The following ALG10 variants were observed in gnomAD, a reference collection of about 807,000 sequenced individuals.
ALG10 encodes the protein dol-P-Glc:Glc(2)Man(9)GlcNAc(2)-PP-Dol alpha-1,2-glucosyltransferase A.
ALG10 carries 25 observed loss-of-function variants against 39.2 expected under a neutral mutation model. That is an observed-to-expected ratio of 0.64 (90% CI 0.46 to 0.89). The LOEUF (loss-of-function observed/expected upper bound fraction) is 0.89. Among genes scored for constraint, ALG10 ranks in the 40% least tolerant of loss-of-function variants. The probability of loss-of-function intolerance (pLI) is 0.00; values close to 1 mark genes in which losing one functional copy is unlikely to be tolerated. For synonymous variants in ALG10, 184 were observed against 193.9 expected (o/e 0.95, Z 0.42); for missense variants, 486 against 546.6 (o/e 0.89, Z 1.11).
upstream of ALG10, chr12:34,022,391 C>T (rs1173368638): frequency 8.6e-6 from 6 of 700,882 alleles, no homozygotes; most frequent in Admixed American, 2.8e-5. Flanking sequence ...GGTAATCATC[C>T]GGTCCGTTAT....
chr12:34,027,054 T>G lies in ALG10; in HGVS notation c.*139T>G. On this transcript the variant is annotated 3_prime_UTR_variant, in exon 3 of 3. Coordinates refer to ENST00000266483, the MANE Select transcript of ALG10 (RefSeq NM_032834.4). ...AAATTACATTAGTTTTTTTTATATA[T>G]ATTTTAAACATATGTAAGAAATTAA... 1.1e-6 allele frequency: 1 copy of G among 877,940 alleles called. No individual in the cohort carries two copies. Among genetic ancestry groups the G allele is most frequent in the Non-Finnish European group, 1.6e-6 (1 of 612,266 alleles). 54.4% of individuals were successfully genotyped at this position (877,940 alleles called of 1,614,324 possible). A position where few individuals can be genotyped will look rare whatever the true frequency, so the allele number is the denominator to read the frequency against.
rs1942854468 is a variant in ALG10 at position 34,027,978 on chromosome 12, G to A, written c.*1063G>A. ...CTCTTCATTACCTTTTAAGGACAGT[G>A]TCTTTGAATGTAGGGCCCACCCTGA... On this transcript the variant is annotated 3_prime_UTR_variant, in exon 3 of 3. Coordinates refer to ENST00000266483, the MANE Select transcript of ALG10 (RefSeq NM_032834.4). 2 of 152,116 alleles carry A rather than the reference G, an allele frequency of 1.3e-5. No homozygotes were observed. 9.4% of individuals were successfully genotyped at this position (152,116 alleles called of 1,614,324 possible).
In ALG10 at chr12:34,027,152, A is replaced by G. The variant is rs1942842735; in HGVS notation, c.*237A>G. 3 of 373,962 alleles carry G rather than the reference A, an allele frequency of 8.0e-6. No individual in the cohort carries two copies. Among genetic ancestry groups the G allele is most frequent in the East Asian group, 4.8e-5 (1 of 20,982 alleles). The allele number at this position is 373,962 out of a possible 1,614,324, so 23.2% of individuals were successfully genotyped here. A position where few individuals can be genotyped will look rare whatever the true frequency, so the allele number is the denominator to read the frequency against. ...AATGGAAAAATAAAATTGTTTTCAG[A>G]TATCTCATATCACTCTCATAATGTT... On this transcript the variant is annotated 3_prime_UTR_variant, in exon 3 of 3. Coordinates refer to ENST00000266483, the MANE Select transcript of ALG10 (RefSeq NM_032834.4).
At chr12:34,022,912 TTCC>T (rs1324697791) in intron 1 of ALG10, 142 bp downstream of exon 1, 12 of 1,125,760 alleles carry the variant, frequency 1.1e-5, no homozygotes, top group Middle Eastern at 5.9e-4. Flanking sequence ...TAGTCTTTTG[TTCC>T]TGTCTCTGAG....
In ALG10 at chr12:34,022,522, G is replaced by C; in HGVS notation, c.-78G>C. 1.9e-6 allele frequency: 3 copies of C among 1,611,986 alleles called. No homozygotes were observed. The highest frequency in any genetic ancestry group is 2.5e-6 in the Non-Finnish European group (3 of 1,178,994). ...GTCCCGCCTAGCGCGCCCATTTCGAGCCCAAGTTTCCAGCTCGGGTTTCCA... is the reference window on the plus strand; with the variant it reads ...GTCCCGCCTAGCGCGCCCATTTCGACCCCAAGTTTCCAGCTCGGGTTTCCA... On this transcript the variant is annotated 5_prime_UTR_variant, in exon 1 of 3. Coordinates refer to ENST00000266483, the MANE Select transcript of ALG10 (RefSeq NM_032834.4).
At position 34,026,160 on chromosome 12, in the gene ALG10, A is replaced by G. The variant is rs370309111; in HGVS notation, c.667A>G (p.Ile223Val). 2.1e-5 allele frequency: 34 copies of G among 1,613,982 alleles called. No individual in the cohort carries two copies. The highest frequency in any genetic ancestry group is 2.1e-4 in the South Asian group (19 of 91,088). The change falls in exon 3 of 3, where the codon ATT becomes GTT. Residue 223 changes from isoleucine (I) to valine (V), a missense_variant. Physicochemically the swap from Ile to Val is conservative, Grantham distance 29 (BLOSUM62 3). Coordinates refer to ENST00000266483, the MANE Select transcript of ALG10 (RefSeq NM_032834.4). ...AAAGAAGGAAGACAGACTTCCACCT[A>G]TTAAAGGACCATTTGCAGAATTCAG... ...LQKKEDRLPP[I>V]KGPFAEFRKI...
chr12:34,028,050 C>A lies in ALG10; in HGVS notation c.*1135C>A, dbSNP rs1291970452. On this transcript the variant is annotated 3_prime_UTR_variant, in exon 3 of 3. Transcript: ENST00000266483. The stretch of plus-strand genomic sequence containing the variant: ...GACCCTTAATTATGTTTACAAAGAC[C>A]CATGTTCCAAGTAAGTTTGTATTCA... 1 of 152,062 alleles carries A rather than the reference C, an allele frequency of 6.6e-6. No homozygotes were observed. The highest frequency in any genetic ancestry group is 2.1e-4 in the South Asian group (1 of 4,826). The allele number at this position is 152,062 out of a possible 1,614,324, so 9.4% of individuals were successfully genotyped here. A position where few individuals can be genotyped will look rare whatever the true frequency, so the allele number is the denominator to read the frequency against.
chr12:34,025,787 A>G, intron 2 of ALG10, 76 bp from the exon 3 acceptor site: 5 of 1,552,596 alleles, frequency 3.2e-6, no homozygotes, highest in Non-Finnish European at 4.4e-6. Flanking sequence ...TTTTAAATAA[A>G]TTTCTTCATT....
At chr12:34,022,958 A>G in intron 1 of ALG10, 188 bp downstream of exon 1, 1 of 825,116 alleles carries the variant, frequency 1.2e-6, no homozygotes, top group Non-Finnish European at 1.8e-6. Flanking sequence ...GAATGAATAA[A>G]CAGCAGATCT....
At chr12:34,023,020 T>C in intron 1 of ALG10, 1 of 531,844 alleles carries the variant, frequency 1.9e-6, no homozygotes, top group East Asian at 3.3e-5. Context: ...AACTGAGCCC[T>C]CCTCTTGGCA....
chr12:34,027,777 G>C lies in ALG10; in HGVS notation c.*862G>C, dbSNP rs1199956201. On this transcript the variant is annotated 3_prime_UTR_variant, in exon 3 of 3. Transcript: ENST00000266483. Reference sequence around the variant, plus strand: ...GTGTCAGCAGAGTTGGTTCCTTCTGGAGGCTCTAAGGAAGAATCCATAAAC... The same window carrying C: ...GTGTCAGCAGAGTTGGTTCCTTCTGCAGGCTCTAAGGAAGAATCCATAAAC... 6.6e-6 allele frequency: 1 copy of C among 152,120 alleles called. No individual in the cohort carries two copies. Among genetic ancestry groups the C allele is most frequent in the Non-Finnish European group, 1.5e-5 (1 of 68,030 alleles). 9.4% of individuals were successfully genotyped at this position (152,120 alleles called of 1,614,324 possible). A position where few individuals can be genotyped will look rare whatever the true frequency, so the allele number is the denominator to read the frequency against.
chr12:34,027,287 G>A lies in ALG10; in HGVS notation c.*372G>A, dbSNP rs1942844648. 1 of 155,996 alleles carries A rather than the reference G, an allele frequency of 6.4e-6. No homozygotes were observed. The highest frequency in any genetic ancestry group is 1.4e-5 in the Non-Finnish European group (1 of 70,552). The allele number at this position is 155,996 out of a possible 1,614,324, so 9.7% of individuals were successfully genotyped here. A position where few individuals can be genotyped will look rare whatever the true frequency, so the allele number is the denominator to read the frequency against. On this transcript the variant is annotated 3_prime_UTR_variant, in exon 3 of 3. Transcript: ENST00000266483. The stretch of plus-strand genomic sequence containing the variant: ...CTCTTCAGAGAGAAATATTAGGTTA[G>A]TGCAAAAGTAATTGTGGTTTTTGCC...
rs773094440 is a variant in ALG10, at chr12:34,022,725, G to T, written c.126G>T (p.Leu42=). Reference sequence around the variant, plus strand: ...CCTACATGGACGAGATCTTCCACCTGCCTCAGGCGCAGCGCTACTGTGAGG... The same window carrying T: ...CCTACATGGACGAGATCTTCCACCTTCCTCAGGCGCAGCGCTACTGTGAGG... ...REPYMDEIFH[L]PQAQRYCEGH... The change falls in exon 1 of 3, where the codon CTG becomes CTT. Residue 42 remains leucine, a synonymous_variant. Transcript: ENST00000266483. 3.7e-6 allele frequency: 6 copies of T among 1,614,014 alleles called. No individual in the cohort carries two copies. The East Asian group carries it at 8.9e-5, about 24-fold the overall frequency.
intron 1 of ALG10, chr12:34,023,404 A>C (rs1265970826): frequency 5.5e-6 from 1 of 183,394 alleles, no homozygotes; most frequent in African/African-American, 2.4e-5. Context: ...TGTTTTAGAG[A>C]AAGATCTGAT....
chr12:34,027,103 A>G lies in ALG10; in HGVS notation c.*188A>G. The G allele has an allele frequency of 1.8e-6, 1 of 565,224 alleles. No individual in the cohort carries two copies. Among genetic ancestry groups the G allele is most frequent in the Non-Finnish European group, 2.8e-6 (1 of 355,088 alleles). The allele number at this position is 565,224 out of a possible 1,614,324, so 35.0% of individuals were successfully genotyped here. A position where few individuals can be genotyped will look rare whatever the true frequency, so the allele number is the denominator to read the frequency against. Reference sequence around the variant, plus strand: ...AAGTGGCAAAGAACTGAGAAAGCTTAAGACCTGCTTCAAAAGCCTGAAAAA... The same window carrying G: ...AAGTGGCAAAGAACTGAGAAAGCTTGAGACCTGCTTCAAAAGCCTGAAAAA... On this transcript the variant is annotated 3_prime_UTR_variant, in exon 3 of 3. Transcript: ENST00000266483.
chr12:34,026,001 G>T lies in ALG10; in HGVS notation c.508G>T (p.Gly170Ter). ...TLFAYLMCLY[G>*]NHKTSAFLGF... ...TTTTGCGTATTTGATGTGTCTTTAT[G>T]GAAATCATAAAACTTCAGCCTTCCT... The change falls in exon 3 of 3, where the codon GGA becomes TGA. Residue 170 changes from glycine to a stop codon, truncating the protein, a stop_gained. Coordinates refer to ENST00000266483, the MANE Select transcript of ALG10 (RefSeq NM_032834.4). LOFTEE classifies it high-confidence loss of function. The T allele has an allele frequency of 6.2e-7, 1 of 1,613,912 alleles. No homozygotes were observed. The highest frequency in any genetic ancestry group is 1.1e-5 in the South Asian group (1 of 91,076).
chr12:34,025,621 T>C (rs1472144600), intron 2 of ALG10, among the ~76,000 whole-genome samples: 2 of 152,192 alleles, frequency 1.3e-5, no homozygotes, highest in Admixed American at 6.5e-5. Context: ...TGTTAAGCTA[T>C]AGAAGATTTG....
In ALG10 at chr12:34,025,937, C is replaced by T. The variant is rs1942827137; in HGVS notation, c.444C>T (p.Phe148=). 1 of 1,613,826 alleles carries T rather than the reference C, an allele frequency of 6.2e-7. No individual in the cohort carries two copies. The highest frequency in any genetic ancestry group is 8.5e-7 in the Non-Finnish European group (1 of 1,179,914). The change falls in exon 3 of 3, where the codon TTC becomes TTT. Residue 148 remains phenylalanine, a synonymous_variant. Coordinates refer to ENST00000266483, the MANE Select transcript of ALG10 (RefSeq NM_032834.4). ...TTCCAACACTTTATTTTTTTAACTTCCTTTATTATACAGAAGCAGGATCTA... is the reference window on the plus strand; with the variant it reads ...TTCCAACACTTTATTTTTTTAACTTTCTTTATTATACAGAAGCAGGATCTA... ...AVFPTLYFFN[F]LYYTEAGSMF...
intron 1 of ALG10, chr12:34,023,724 T>C (rs1427907101): frequency 3.7e-6 from 2 of 539,156 alleles, no homozygotes; most frequent in African/African-American, 1.9e-5. Context: ...AAAATAGAAA[T>C]AGATTTTAAG....
Sources: gnomAD v4.1 joint callset for allele counts (sites outside exome capture counted in the v4.1 genomes callset) on GRCh38, gnomAD v4.1.1 for gene constraint, MANE v1.5 for transcripts, NCBI Gene and HGNC (gene_info 2026-07-23, HGNC 2026-07-21) for gene names.